TMEM170B: variants seen among roughly 807,000 people sequenced by gnomAD.
TMEM170B encodes transmembrane protein 170B.
A neutral mutation model predicts 13.0 loss-of-function variants in TMEM170B; 6 were observed. The observed-to-expected ratio is 0.46, with a 90% CI of 0.25 to 0.91. TMEM170B has a LOEUF of 0.91. Ranked by LOEUF, TMEM170B falls within the 40% of genes least tolerant of loss-of-function variation. The pLI, the probability that TMEM170B is intolerant of heterozygous loss-of-function variation, is 0.17. For synonymous variants in TMEM170B, 61 were observed against 64.9 expected (o/e 0.94, Z 0.29); for missense variants, 138 against 165.2 (o/e 0.84, Z 0.90).
intron 1 of TMEM170B, among the ~76,000 whole-genome samples, chr6:11,546,034 A>AC (rs1554150496): frequency 1.3e-5 from 2 of 149,458 alleles, no homozygotes; most frequent in African/African-American, 4.9e-5. Flanking sequence ...AAAAAAAAAA[A>AC]AGGCAAGCTG....
At position 11,580,561 on chromosome 6, in the gene TMEM170B, G is replaced by C. The variant is rs1310445862; in HGVS notation, c.*5000G>C. On this transcript the variant is annotated 3_prime_UTR_variant, in exon 3 of 3. Coordinates refer to ENST00000379426, the MANE Select transcript of TMEM170B (RefSeq NM_001100829.3). ...GCAGAGAAATTTGGTAACACTTTTT[G>C]GGTAACTGGGTAAATTACTATTTCT... 6.6e-6 allele frequency: 1 copy of C among 152,236 alleles called. No homozygotes were observed. Among genetic ancestry groups the C allele is most frequent in the East Asian group, 1.9e-4 (1 of 5,186 alleles). 9.4% of individuals were successfully genotyped at this position (152,236 alleles called of 1,614,324 possible).
intron 1 of TMEM170B, among the ~76,000 whole-genome samples, chr6:11,551,494 G>T (rs1759524833): frequency 1.3e-5 from 2 of 152,216 alleles, no homozygotes; most frequent in African/African-American, 2.4e-5. Flanking sequence ...GTGAGGGAAT[G>T]AAGTGTCTGT....
In TMEM170B at chr6:11,575,376, G is replaced by A; in HGVS notation, c.269-55G>A. ...AAGAGCTCTTAAGGTGCAGCATGCA[G>A]TGTGTTATAAAACGAGTGACTGTAT... On this transcript the variant is annotated intron_variant, in intron 2 of 2. Transcript: ENST00000379426. This position sits in a 1 kb window ranked among gnomAD's most constrained non-coding sequence, Gnocchi z 4.1. 2.5e-6 allele frequency: 4 copies of A among 1,604,862 alleles called. No individual in the cohort carries two copies. Among genetic ancestry groups the A allele is most frequent in the Non-Finnish European group, 3.4e-6 (4 of 1,172,954 alleles).
intron 1 of TMEM170B, among the ~76,000 whole-genome samples, chr6:11,545,280 C>CTCTCTGTGTGTGTGTGTGTG (rs1442789332): frequency 0.026 from 3,590 of 139,568 alleles, 62 homozygotes; most frequent in Middle Eastern, 0.033. Flanking sequence ...CTCTCTCTCT[C>CTCTCTGTGTGTGTGTGTGTG]TGTGTGTGTG....
chr6:11,575,481 T>C lies in TMEM170B; in HGVS notation c.319T>C (p.Leu107=). The part of the protein sequence containing the change: ...YRVAGKNMAP[L]EALVWGVGQT... ...AGTAGCTGGGAAGAACATGGCCCCT[T>C]TGGAAGCGCTGGTATGGGGCGTTGG... The change falls in exon 3 of 3, where the codon TTG becomes CTG. Residue 107 remains leucine, a synonymous_variant. Transcript: ENST00000379426. The surrounding 1 kb of genome is among the most constrained non-coding windows in gnomAD (Gnocchi z 4.1). The C allele has an allele frequency of 6.2e-7, 1 of 1,613,498 alleles. No individual in the cohort carries two copies. Among genetic ancestry groups the C allele is most frequent in the African/African-American group, 1.3e-5 (1 of 74,990 alleles).
At chr6:11,562,154 G>A (rs889952669) in intron 1 of TMEM170B, among the ~76,000 whole-genome samples, 1 of 152,024 alleles carries the variant, frequency 6.6e-6, no homozygotes. Context: ...GAGCTCCCTT[G>A]ATGAAAATAT....
chr6:11,565,591 GT>G, intron 1 of TMEM170B, 74 bp from the exon 2 acceptor site: 1 of 1,520,656 alleles, frequency 6.6e-7, no homozygotes, highest in Non-Finnish European at 9.1e-7. Context: ...CAAACCATAG[GT>G]GCTCACTGTT....
At chr6:11,560,024 A>G (rs1459341346) in intron 1 of TMEM170B, among the ~76,000 whole-genome samples, 1 of 151,892 alleles carries the variant, frequency 6.6e-6, no homozygotes, top group Non-Finnish European at 1.5e-5. Context: ...AGTTTTAAAT[A>G]AATACCTCTT....
At chr6:11,543,678 T>A (rs1165972290) in intron 1 of TMEM170B, among the ~76,000 whole-genome samples, 2 of 152,214 alleles carry the variant, frequency 1.3e-5, no homozygotes, top group African/African-American at 2.4e-5. Flanking sequence ...GAAAGGAGCA[T>A]AGTCTAGAAC....
intron 1 of TMEM170B, among the ~76,000 whole-genome samples, chr6:11,564,493 A>G (rs1363245550): frequency 6.6e-6 from 1 of 152,240 alleles, no homozygotes; most frequent in Admixed American, 6.5e-5. Context: ...GATACTTTGT[A>G]TTATAGAATG....
chr6:11,540,344 CAACCG>C (rs1263035329), intron 1 of TMEM170B, among the ~76,000 whole-genome samples: 3 of 152,226 alleles, frequency 2.0e-5, no homozygotes, highest in African/African-American at 7.2e-5. Flanking sequence ...GCGGCTTTAT[CAACCG>C]AGTTTATCTA....
At chr6:11,559,421 A>C (rs1056479981) in intron 1 of TMEM170B, among the ~76,000 whole-genome samples, 1 of 152,074 alleles carries the variant, frequency 6.6e-6, no homozygotes, top group African/African-American at 2.4e-5. Context: ...CCTGGGCTCA[A>C]ACAGTCCCCC....
At chr6:11,552,109 C>G (rs530692925) in intron 1 of TMEM170B, among the ~76,000 whole-genome samples, 3 of 152,102 alleles carry the variant, frequency 2.0e-5, no homozygotes, top group Non-Finnish European at 4.4e-5. Flanking sequence ...AGGATGCTGC[C>G]TTGTAAACCA....
chr6:11,565,023 G>T (rs12204597), intron 1 of TMEM170B, among the ~76,000 whole-genome samples: 49,649 of 152,082 alleles, frequency 0.33, 10,590 homozygotes, highest in Non-Finnish European at 0.47. Context: ...AATGAAGAGT[G>T]TGCTTGTCCA....
chr6:11,540,679 C>T (rs946046694), intron 1 of TMEM170B, among the ~76,000 whole-genome samples: 4 of 152,298 alleles, frequency 2.6e-5, no homozygotes, highest in East Asian at 1.9e-4. Flanking sequence ...TCATGAGTCA[C>T]GATTGTTCTT....
intron 1 of TMEM170B, among the ~76,000 whole-genome samples, chr6:11,564,242 A>G (rs1759707140): frequency 1.3e-5 from 2 of 152,148 alleles, no homozygotes; most frequent in South Asian, 2.1e-4. Flanking sequence ...TCTTTTGGGT[A>G]TATACCCAGA....
intron 1 of TMEM170B, among the ~76,000 whole-genome samples, chr6:11,559,020 T>A (rs1235606441): frequency 2.0e-5 from 3 of 152,126 alleles, no homozygotes; most frequent in African/African-American, 7.2e-5. Context: ...TTTGGCTTCA[T>A]GGGCCATATA....
intron 1 of TMEM170B, among the ~76,000 whole-genome samples, chr6:11,547,999 C>A (rs1716317008): frequency 6.6e-6 from 1 of 152,034 alleles, no homozygotes; most frequent in Non-Finnish European, 1.5e-5. Context: ...GAAACCTAAA[C>A]AGAAGAGAGA....
intron 1 of TMEM170B, among the ~76,000 whole-genome samples, chr6:11,549,865 TGTA>T (rs1759500847): frequency 1.3e-5 from 2 of 152,156 alleles, no homozygotes; most frequent in Admixed American, 6.5e-5. Flanking sequence ...ATCTACTTGT[TGTA>T]GTAGGACTTG....
Sources: allele counts gnomAD v4.1 joint callset (sites outside exome capture counted in the v4.1 genomes callset), GRCh38; gene constraint gnomAD v4.1.1; non-coding constraint Gnocchi (gnomAD v3.1); transcripts MANE v1.5; gene names NCBI Gene and HGNC (gene_info 2026-07-23, HGNC 2026-07-21).